Variants in WWC2 observed in about 807,000 individuals in gnomAD.
WWC2 encodes protein WWC2.
A neutral mutation model predicts 138.5 loss-of-function variants in WWC2; 101 were observed. The observed-to-expected ratio is 0.73, with a 90% CI of 0.62 to 0.86. WWC2 has a LOEUF of 0.86. Ranked by LOEUF, WWC2 falls within the 40% of genes least tolerant of loss-of-function variation. WWC2 has a pLI of 0.00. For synonymous variants in WWC2, 558 were observed against 538.4 expected (o/e 1.04, Z -0.50); for missense variants, 1,420 against 1,419.4 (o/e 1.00, Z -0.01).
At chr4:183,221,554 A>G (rs1469300243) in intron 4 of WWC2, among the ~76,000 whole-genome samples, 3 of 152,368 alleles carry the variant, frequency 2.0e-5, no homozygotes, top group African/African-American at 7.2e-5. Context: ...TGCATAGAGT[A>G]TAACTACAGT....
intron 1 of WWC2, among the ~76,000 whole-genome samples, chr4:183,108,312 A>G (rs954620671): frequency 1.3e-5 from 2 of 152,138 alleles, no homozygotes; most frequent in East Asian, 1.9e-4. Flanking sequence ...TGTGGTGACA[A>G]TGGCATTTTA....
chr4:183,177,582 T>C (rs1017285586), intron 1 of WWC2, among the ~76,000 whole-genome samples: 5 of 152,040 alleles, frequency 3.3e-5, no homozygotes, highest in African/African-American at 4.8e-5. Flanking sequence ...ACATTATATA[T>C]AAAAAAGTGA....
chr4:183,220,297 A>C (rs1484483022), intron 4 of WWC2, among the ~76,000 whole-genome samples: 1 of 152,176 alleles, frequency 6.6e-6, no homozygotes, highest in African/African-American at 2.4e-5. Flanking sequence ...CTATTAAATA[A>C]TTGTAATTAA....
chr4:183,172,077 C>G (rs2111164969), intron 1 of WWC2, among the ~76,000 whole-genome samples: 1 of 152,314 alleles, frequency 6.6e-6, no homozygotes. Flanking sequence ...GCTTACTTCT[C>G]TATATTCCTA....
rs563933346 is a variant in WWC2 at position 183,271,276 on chromosome 4, GTGAAATACATATA to G, written c.2562+54_2562+66del. On this transcript the variant is annotated intron_variant, in intron 16 of 22. Coordinates refer to ENST00000403733, the MANE Select transcript of WWC2 (RefSeq NM_024949.6). ...AATTAGAGTATAATATGAAAGTAATGTGAAATACATATATGAAATACATATATGAAAGTAATAT... is the reference window on the plus strand; with the variant it reads ...AATTAGAGTATAATATGAAAGTAATGTGAAATACATATATGAAAGTAATAT... 58 of 1,551,962 alleles carry G rather than the reference GTGAAATACATATA, an allele frequency of 3.7e-5. 2 individuals are homozygous for G. In the South Asian group the frequency reaches 6.2e-4, roughly 17 times the overall value.
chr4:183,286,812 A>G (rs1392495347), intron 20 of WWC2, among the ~76,000 whole-genome samples: 1 of 152,178 alleles, frequency 6.6e-6, no homozygotes, highest in African/African-American at 2.4e-5. Context: ...CAACACACAC[A>G]GGACTGTCAC....
chr4:183,279,229 A>G (rs2111398149), intron 16 of WWC2, among the ~76,000 whole-genome samples: 1 of 152,142 alleles, frequency 6.6e-6, no homozygotes. Flanking sequence ...ATCTATTGAG[A>G]TAATCATGTG....
intron 1 of WWC2, among the ~76,000 whole-genome samples, chr4:183,139,275 C>G (rs1733218064): frequency 6.6e-6 from 1 of 152,150 alleles, no homozygotes; most frequent in African/African-American, 2.4e-5. Context: ...CCTTGGTGAT[C>G]TCATCTAATC....
chr4:183,190,720 C>T (rs538576114), intron 1 of WWC2, among the ~76,000 whole-genome samples: 7 of 152,084 alleles, frequency 4.6e-5, no homozygotes, highest in Non-Finnish European at 5.9e-5. Context: ...TACATGTATA[C>T]CTGTAGATGT....
chr4:183,166,018 T>C (rs1734118787), intron 1 of WWC2, among the ~76,000 whole-genome samples: 1 of 152,174 alleles, frequency 6.6e-6, no homozygotes, highest in African/African-American at 2.4e-5. Flanking sequence ...CACACTGATA[T>C]CATACTGTTA....
At chr4:183,285,885 T>G in intron 19 of WWC2, 82 bp from the exon 20 acceptor site, 1 of 1,285,444 alleles carries the variant, frequency 7.8e-7, no homozygotes, top group Non-Finnish European at 1.1e-6. Context: ...CCTGCTTTAC[T>G]TGGTAAATGT....
chr4:183,285,471 C>T (rs967097653), intron 19 of WWC2, among the ~76,000 whole-genome samples: 4 of 152,150 alleles, frequency 2.6e-5, no homozygotes, highest in Non-Finnish European at 5.9e-5. Context: ...GGCAGCTATT[C>T]AGATTATTTG....
intron 4 of WWC2, among the ~76,000 whole-genome samples, chr4:183,216,739 C>T (rs955891370): frequency 2.0e-5 from 3 of 152,056 alleles, no homozygotes; most frequent in South Asian, 2.1e-4. Flanking sequence ...AGTTCATTGG[C>T]GGAGAAGTGG....
chr4:183,209,089 G>A, intron 4 of WWC2, 64 bp downstream of exon 4: 1 of 1,190,490 alleles, frequency 8.4e-7, no homozygotes, highest in Non-Finnish European at 1.2e-6. Flanking sequence ...GGCTGTGGAA[G>A]GGGCTTTAGT....
At chr4:183,296,021 G>A (rs1427012673) in intron 21 of WWC2, among the ~76,000 whole-genome samples, 1 of 152,206 alleles carries the variant, frequency 6.6e-6, no homozygotes, top group Non-Finnish European at 1.5e-5. Flanking sequence ...CTAATTGTCA[G>A]CATTTAATTA....
intron 1 of WWC2, among the ~76,000 whole-genome samples, chr4:183,146,615 A>T (rs1273857998): frequency 6.6e-6 from 1 of 152,178 alleles, no homozygotes; most frequent in Non-Finnish European, 1.5e-5. Flanking sequence ...GAGTGTGCAC[A>T]GGCTGGCCTG....
chr4:183,207,634 G>A (rs558613941), intron 2 of WWC2, among the ~76,000 whole-genome samples: 1 of 152,226 alleles, frequency 6.6e-6, no homozygotes, highest in East Asian at 1.9e-4. Flanking sequence ...GCTTATGCAG[G>A]GCATTGAGTG....
intron 1 of WWC2, among the ~76,000 whole-genome samples, chr4:183,176,992 A>G (rs190139948): frequency 7.9e-5 from 12 of 152,224 alleles, no homozygotes; most frequent in Admixed American, 5.9e-4. Context: ...ACCAGAAGAT[A>G]GGTTCATTGA....
rs1328474404 is a variant in WWC2, at chr4:183,264,958, T to A, written c.1910-20T>A. The A allele has an allele frequency of 2.5e-6, 4 of 1,606,644 alleles. No individual in the cohort carries two copies. The highest frequency in any genetic ancestry group is 3.4e-6 in the Non-Finnish European group (4 of 1,176,382). ...CCAAATAAGACATTCTGATTAGTGC[T>A]CTCACCCTCCCCTCCATAGATGTGG... On this transcript the variant is annotated intron_variant, in intron 11 of 22. Transcript: ENST00000403733.
Sources: gnomAD v4.1 joint callset for allele counts (sites outside exome capture counted in the v4.1 genomes callset) on GRCh38, gnomAD v4.1.1 for gene constraint, MANE v1.5 for transcripts, NCBI Gene and HGNC (gene_info 2026-07-23, HGNC 2026-07-21) for gene names.